Variants in PCNX4 observed in about 807,000 individuals in gnomAD.
The protein encoded by PCNX4 is pecanex-like protein 4.
Under a neutral mutation model 107.2 loss-of-function variants are expected in PCNX4, and 103 were observed. The ratio of observed to expected loss-of-function variants is 0.96; its 90% CI spans 0.82 to 1.13. The LOEUF is 1.13. Ranked by LOEUF, PCNX4 falls within the 50% of genes most tolerant of loss-of-function variation. The pLI is 0.00. For synonymous variants in PCNX4, 541 were observed against 481.7 expected (o/e 1.12, Z -1.61); for missense variants, 1,528 against 1,379.4 (o/e 1.11, Z -1.71).
rs1199934109 is a variant in PCNX4, at chr14:60,114,841, G to C, written c.831G>C (p.Glu277Asp). 1.9e-6 allele frequency: 3 copies of C among 1,613,322 alleles called. No individual in the cohort carries two copies. The African/African-American group carries it at 4.0e-5, about 22-fold the overall frequency. Residue 277 changes from glutamate to aspartate, a missense_variant, in exon 3 of 11, where the codon GAG (glutamate) becomes GAC (aspartate). Coordinates refer to ENST00000406854, the MANE Select transcript of PCNX4 (RefSeq NM_001330177.2). ...LLLWAMEQVLEFGLGGSSMST... is the reference protein window; with the variant it reads ...LLLWAMEQVLDFGLGGSSMST... ...TATGGGCAATGGAGCAGGTTTTAGAGTTCGGCCTTGGAGGCTCATCTATGT... is the reference window on the plus strand; with the variant it reads ...TATGGGCAATGGAGCAGGTTTTAGACTTCGGCCTTGGAGGCTCATCTATGT...
Position 60,118,331 on chromosome 14 carries a change from T to C in PCNX4, c.1581T>C (p.Val527=). The change falls in exon 7 of 11, where the codon GTT becomes GTC. Residue 527 remains valine, a splice_region_variant and synonymous_variant. Coordinates refer to ENST00000406854, the MANE Select transcript of PCNX4 (RefSeq NM_001330177.2). ...SLDTGLRLLL[V]GIIRDRLIQF... ...AAATAATTTTTACATTTCTACAGGT[T>C]GGTATCATACGTGATCGTTTGATTC... 1 of 1,600,192 alleles carries C rather than the reference T, an allele frequency of 6.2e-7. No individual in the cohort carries two copies. Among genetic ancestry groups the C allele is most frequent in the Non-Finnish European group, 8.5e-7 (1 of 1,171,908 alleles).
At chr14:60,131,781 T>A (rs1172939580) in intron 10 of PCNX4, among the ~76,000 whole-genome samples, 1 of 152,184 alleles carries the variant, frequency 6.6e-6, no homozygotes, top group Non-Finnish European at 1.5e-5. Context: ...GACTCATACT[T>A]CCAAGTTTCA....
chr14:60,095,775 C>T (rs1348971357), intron 1 of PCNX4, among the ~76,000 whole-genome samples: 3 of 145,272 alleles, frequency 2.1e-5, no homozygotes, highest in Non-Finnish European at 1.5e-5. Context: ...TCTAAGAGGT[C>T]ATGTCCCATG....
In PCNX4 at chr14:60,132,852, C is replaced by A. The variant is rs1896180298; in HGVS notation, c.3268-1118C>A. On this transcript the variant is annotated intron_variant, in intron 10 of 10. Transcript: ENST00000406854. ...TGCCAATAAGTACATGAGAAGTGCT[C>A]CGTATAATTAGTCATCAGGGAAGTG... Among the ~76,000 whole-genome samples, 3 of 152,256 alleles carry A rather than the reference C, an allele frequency of 2.0e-5. No individual in the cohort carries two copies. The South Asian group carries it at 6.2e-4, about 32-fold the overall frequency.
intron 7 of PCNX4, 33 bp from the exon 8 acceptor site, chr14:60,121,161 CTT>C (rs747483127): frequency 9.0e-3 from 9,789 of 1,082,192 alleles, no homozygotes; most frequent in East Asian, 0.016. Context: ...AAATGATTTT[CTT>C]TTTTTTTTTT....
At chr14:60,117,477 C>T (rs1345457588) in intron 6 of PCNX4, among the ~76,000 whole-genome samples, 3 of 152,082 alleles carry the variant, frequency 2.0e-5, no homozygotes, top group Admixed American at 1.3e-4. Flanking sequence ...TGTGTATGTA[C>T]GCTCTATAAT....
At chr14:60,116,100 A>G in intron 6 of PCNX4, 40 bp downstream of exon 6, 1 of 1,500,412 alleles carries the variant, frequency 6.7e-7, no homozygotes. Context: ...AATATATTTT[A>G]CATACTATAA....
In PCNX4 at chr14:60,143,688, T is replaced by C. The variant is rs1403751420; in HGVS notation, c.*9467T>C. The C allele has an allele frequency of 6.6e-6, 1 of 152,276 alleles. No homozygotes were observed. Among genetic ancestry groups the C allele is most frequent in the Non-Finnish European group, 1.5e-5 (1 of 68,052 alleles). The allele number at this position is 152,276 out of a possible 1,614,324, so 9.4% of individuals were successfully genotyped here. A position where few individuals can be genotyped will look rare whatever the true frequency, so the allele number is the denominator to read the frequency against. Reference sequence around the variant, plus strand: ...CCCGCTATACCTCATCGTGTACCTCTACCACATGTCATCTTCCCCCTTTTC... The same window carrying C: ...CCCGCTATACCTCATCGTGTACCTCCACCACATGTCATCTTCCCCCTTTTC... On this transcript the variant is annotated 3_prime_UTR_variant, in exon 11 of 11. Coordinates refer to ENST00000406854, the MANE Select transcript of PCNX4 (RefSeq NM_001330177.2).
intron 1 of PCNX4, among the ~76,000 whole-genome samples, chr14:60,093,770 G>A (rs1595155867): frequency 1.3e-5 from 2 of 152,318 alleles, no homozygotes; most frequent in South Asian, 2.1e-4. Flanking sequence ...CTGCTAGACT[G>A]TTTCCCAAAG....
Position 60,124,491 on chromosome 14 carries a change from A to G in PCNX4, c.2320A>G (p.Lys774Glu), listed in dbSNP as rs1283046735. 6.2e-7 allele frequency: 1 copy of G among 1,613,714 alleles called. No homozygotes were observed. The highest frequency in any genetic ancestry group is 1.3e-5 in the African/African-American group (1 of 74,924). Reference sequence around the variant, plus strand: ...GTGGATACTTGTTCAATACTGCTCCAAAAGGCCTGGCATGAAAGAGAATGT... The same window carrying G: ...GTGGATACTTGTTCAATACTGCTCCGAAAGGCCTGGCATGAAAGAGAATGT... ...LVWILVQYCS[K>E]RPGMKENVHN... The change falls in exon 9 of 11, where the codon AAA (lysine) becomes GAA (glutamate). Residue 774 changes from lysine (K) to glutamate (E), a missense_variant. Transcript: ENST00000406854.
At chr14:60,126,037 T>C in intron 10 of PCNX4, 1 of 352,482 alleles carries the variant, frequency 2.8e-6, no homozygotes, top group Non-Finnish European at 5.1e-6. Context: ...GAGGAGCCAA[T>C]TAAAAATGTT....
chr14:60,127,082 C>T (rs935214605), intron 10 of PCNX4, among the ~76,000 whole-genome samples: 7 of 152,144 alleles, frequency 4.6e-5, no homozygotes, highest in East Asian at 1.9e-4. Flanking sequence ...TTATCTGCAA[C>T]GGAGTGTAGA....
At chr14:60,097,974 T>G (rs553550703) in intron 1 of PCNX4, among the ~76,000 whole-genome samples, 1 of 152,258 alleles carries the variant, frequency 6.6e-6, no homozygotes, top group Admixed American at 6.5e-5. Flanking sequence ...GGGTCTGGAT[T>G]GACAGAGCAG....
rs1896352019 is a variant in PCNX4, at chr14:60,144,670, T to C, written c.*10449T>C. ...TTACCAAATCTGTGGTATTTTGTTA[T>C]AGCAGCACAAATGGACTAAGACAAA... On this transcript the variant is annotated 3_prime_UTR_variant, in exon 11 of 11. Coordinates refer to ENST00000406854, the MANE Select transcript of PCNX4 (RefSeq NM_001330177.2). The C allele has an allele frequency of 7.7e-6, 2 of 261,202 alleles. No individual in the cohort carries two copies. The highest frequency in any genetic ancestry group is 6.2e-5 in the South Asian group (1 of 16,018). 16.2% of individuals were successfully genotyped at this position (261,202 alleles called of 1,614,324 possible).
chr14:60,110,010 GA>G (rs1477541682), intron 2 of PCNX4: 1 of 167,060 alleles, frequency 6.0e-6, no homozygotes, highest in Non-Finnish European at 1.5e-5. Context: ...TTAAGCAAGA[GA>G]AGGAACCAGA....
rs1452818260 is a variant in PCNX4 at position 60,141,852 on chromosome 14, G to A, written c.*7631G>A. 1 of 152,182 alleles carries A rather than the reference G, an allele frequency of 6.6e-6. No homozygotes were observed. The highest frequency in any genetic ancestry group is 1.9e-4 in the East Asian group (1 of 5,206). 9.4% of individuals were successfully genotyped at this position (152,182 alleles called of 1,614,324 possible). A position where few individuals can be genotyped will look rare whatever the true frequency, so the allele number is the denominator to read the frequency against. ...TGAGCATTCATTTACAAGTCTTTAT[G>A]TGGACATAAGCTTTCATTTCTCTTG... On this transcript the variant is annotated 3_prime_UTR_variant, in exon 11 of 11. Transcript: ENST00000406854.
rs1169489182 is a variant in PCNX4, at chr14:60,140,882, T to C, written c.*6661T>C. ...GAGTCAGAGATAGATTTCTTATTAC[T>C]CAGGGTAAACAAGTGCACCTGCCCA... is the stretch of plus-strand genomic sequence containing the variant. On this transcript the variant is annotated 3_prime_UTR_variant, in exon 11 of 11. Coordinates refer to ENST00000406854, the MANE Select transcript of PCNX4 (RefSeq NM_001330177.2). This position sits in a 1 kb window ranked among gnomAD's most constrained non-coding sequence, Gnocchi z 4.2. 1 of 152,200 alleles carries C rather than the reference T, an allele frequency of 6.6e-6. No individual in the cohort carries two copies. The highest frequency in any genetic ancestry group is 1.5e-5 in the Non-Finnish European group (1 of 68,036). The allele number at this position is 152,200 out of a possible 1,614,324, so 9.4% of individuals were successfully genotyped here. A position where few individuals can be genotyped will look rare whatever the true frequency, so the allele number is the denominator to read the frequency against.
intron 10 of PCNX4, chr14:60,133,762 AT>A: frequency 1.5e-6 from 1 of 660,110 alleles, no homozygotes; most frequent in Non-Finnish European, 2.7e-6. Flanking sequence ...GGAAACTTTT[AT>A]TTAAAGAACC....
intron 1 of PCNX4, among the ~76,000 whole-genome samples, chr14:60,096,050 T>C (rs920390094): frequency 2.0e-5 from 3 of 152,296 alleles, no homozygotes; most frequent in Non-Finnish European, 4.4e-5. Context: ...CAAACTATTA[T>C]TCCTAATATA....
Sources: allele counts gnomAD v4.1 joint callset (sites outside exome capture counted in the v4.1 genomes callset), GRCh38; gene constraint gnomAD v4.1.1; non-coding constraint Gnocchi (gnomAD v3.1); transcripts MANE v1.5; gene names NCBI Gene and HGNC (gene_info 2026-07-23, HGNC 2026-07-21).